Variants in PTBP2 observed in about 807,000 individuals in gnomAD.
PTBP2 encodes polypyrimidine tract binding protein 2, also known as polypyrimidine tract-binding protein 2.
A neutral mutation model predicts 61.4 loss-of-function variants in PTBP2; 13 were observed. That is an observed-to-expected ratio of 0.21 (90% CI 0.14 to 0.34). The LOEUF (loss-of-function observed/expected upper bound fraction) is 0.34. PTBP2 is among the 10% of genes least tolerant of loss of function. The pLI, the probability that PTBP2 is intolerant of heterozygous loss-of-function variation, is 1.00. For synonymous variants in PTBP2, 215 were observed against 218.5 expected (o/e 0.98, Z 0.14); for missense variants, 405 against 642.6 (o/e 0.63, Z 4.00).
intron 3 of PTBP2, among the ~76,000 whole-genome samples, chr1:96,768,060 A>T (rs1394301134): frequency 6.6e-6 from 1 of 152,128 alleles, no homozygotes; most frequent in Non-Finnish European, 1.5e-5. Context: ...ATTATCACTT[A>T]GAGATACCTT....
At chr1:96,798,641 A>C (rs1471539333) in intron 8 of PTBP2, among the ~76,000 whole-genome samples, 1 of 152,226 alleles carries the variant, frequency 6.6e-6, no homozygotes, top group Non-Finnish European at 1.5e-5. Flanking sequence ...TAAGGAGACA[A>C]GATGATTAAA....
At chr1:96,743,783 A>T (rs145628986) in intron 2 of PTBP2, among the ~76,000 whole-genome samples, 1,707 of 152,272 alleles carry the variant, frequency 0.011, 35 homozygotes, top group African/African-American at 0.039. Flanking sequence ...AGTGTATTGC[A>T]GTAATCATTC....
intron 3 of PTBP2, among the ~76,000 whole-genome samples, chr1:96,768,344 C>A (rs560372705): frequency 6.6e-6 from 1 of 151,974 alleles, no homozygotes; most frequent in African/African-American, 2.4e-5. Flanking sequence ...TTTGAAGATA[C>A]GTTGGAGACC....
intron 8 of PTBP2, among the ~76,000 whole-genome samples, chr1:96,801,115 G>C (rs1258353160): frequency 6.6e-6 from 1 of 151,984 alleles, no homozygotes; most frequent in East Asian, 1.9e-4. Flanking sequence ...GGTATGTTTA[G>C]ATCAATACTG....
At chr1:96,745,498 T>C (rs1653633855) in intron 2 of PTBP2, among the ~76,000 whole-genome samples, 2 of 152,094 alleles carry the variant, frequency 1.3e-5, no homozygotes, top group Non-Finnish European at 2.9e-5. Context: ...TACCCTGCCA[T>C]GGGTAGGTGG....
intron 5 of PTBP2, among the ~76,000 whole-genome samples, chr1:96,772,019 G>A (rs1242273991): frequency 6.6e-6 from 1 of 152,110 alleles, no homozygotes; most frequent in African/African-American, 2.4e-5. Flanking sequence ...AAGCAGTCAG[G>A]TCTGCAGTGT....
intron 8 of PTBP2, among the ~76,000 whole-genome samples, chr1:96,799,999 C>G (rs1039064941): frequency 6.6e-6 from 1 of 152,110 alleles, no homozygotes; most frequent in African/African-American, 2.4e-5. Context: ...TAAAGATAGC[C>G]TAAGTAGTTT....
chr1:96,823,501 A>C (rs1271522964), exon 14 of PTBP2: 6 of 152,224 alleles, frequency 3.9e-5, no homozygotes, highest in Non-Finnish European at 8.8e-5. Flanking sequence ...ACCCTTTAAA[A>C]AATGTTGAAT....
chr1:96,781,847 C>T (rs1658708494), intron 7 of PTBP2, among the ~76,000 whole-genome samples: 2 of 152,004 alleles, frequency 1.3e-5, no homozygotes, highest in South Asian at 2.1e-4. Context: ...GTATTTTATG[C>T]GATCCTCATA....
At chr1:96,780,932 T>C (rs966530834) in intron 7 of PTBP2, among the ~76,000 whole-genome samples, 6 of 152,050 alleles carry the variant, frequency 3.9e-5, no homozygotes, top group African/African-American at 1.2e-4. Flanking sequence ...CAACCTGTCA[T>C]CAGATATTAT....
Position 96,777,855 on chromosome 1 carries a change from C to T in PTBP2, c.617C>T (p.Ala206Val). ...TAACAGATATTTTCTAAGTTTGGTG[C>T]TGTATTGAAGATAATCACATTTACA... ...VLHQIFSKFG[A>V]VLKIITFTKN... Residue 206 changes from alanine to valine, a missense_variant, in exon 7 of 14, where the codon GCT (alanine) becomes GTT (valine). By Grantham distance (64) the Ala-to-Val change is moderately conservative. Coordinates refer to ENST00000674951, the MANE Select transcript of PTBP2 (RefSeq NM_021190.4). The T allele has an allele frequency of 6.3e-7, 1 of 1,579,526 alleles. No individual in the cohort carries two copies. The highest frequency in any genetic ancestry group is 8.6e-7 in the Non-Finnish European group (1 of 1,159,666).
chr1:96,822,664 C>T (rs1179014925), exon 14 of PTBP2: 2 of 152,114 alleles, frequency 1.3e-5, no homozygotes, highest in Non-Finnish European at 2.9e-5. Flanking sequence ...AAAAGCTGCA[C>T]ACAAAACTTG....
At chr1:96,770,654 T>A in intron 4 of PTBP2, 54 bp from the exon 5 acceptor site, 2 of 1,386,420 alleles carry the variant, frequency 1.4e-6, no homozygotes, top group Non-Finnish European at 2.0e-6. Flanking sequence ...ATTGCTTAGA[T>A]ATTAATTTTA....
chr1:96,757,846 G>A (rs764224738), intron 3 of PTBP2, among the ~76,000 whole-genome samples: 6 of 152,010 alleles, frequency 3.9e-5, no homozygotes, highest in Non-Finnish European at 8.8e-5. Flanking sequence ...GTTACCACAA[G>A]GACATATTTT....
chr1:96,793,143 C>T (rs1345986379), intron 8 of PTBP2, among the ~76,000 whole-genome samples: 2 of 152,166 alleles, frequency 1.3e-5, no homozygotes, highest in African/African-American at 4.8e-5. Flanking sequence ...TCGGCTTTCT[C>T]ATTTCATGTG....
chr1:96,799,853 A>G (rs1416220095), intron 8 of PTBP2, among the ~76,000 whole-genome samples: 1 of 152,164 alleles, frequency 6.6e-6, no homozygotes, highest in Non-Finnish European at 1.5e-5. Context: ...AGCAGACAGC[A>G]TTTAGATTAA....
At chr1:96,772,958 C>CA (rs748334688) in intron 5 of PTBP2, among the ~76,000 whole-genome samples, 8,928 of 115,296 alleles carry the variant, frequency 0.077, 540 homozygotes, top group African/African-American at 0.18. Context: ...ACTAAAAATA[C>CA]AAAAAAAAAA....
downstream of PTBP2, chr1:96,819,277 T>C (rs531421957): frequency 5.9e-5 from 9 of 152,048 alleles, no homozygotes; most frequent in South Asian, 2.1e-4. Context: ...ATGACTGATA[T>C]TCTCTGTGAG....
intron 8 of PTBP2, among the ~76,000 whole-genome samples, chr1:96,804,531 A>G (rs1271260361): frequency 1.3e-5 from 2 of 152,140 alleles, no homozygotes; most frequent in African/African-American, 4.8e-5. Flanking sequence ...TTTCCAGAGG[A>G]AATAGAGTAT....
Sources: allele counts gnomAD v4.1 joint callset (sites outside exome capture counted in the v4.1 genomes callset), GRCh38; gene constraint gnomAD v4.1.1; transcripts MANE v1.5; gene names NCBI Gene and HGNC (gene_info 2026-07-23, HGNC 2026-07-21).